STK32B: variants seen among roughly 807,000 people sequenced by gnomAD.
STK32B encodes serine/threonine kinase 32B.
In STK32B, 43 loss-of-function variants were observed where a neutral mutation model predicts 52.6. The observed-to-expected ratio is 0.82, with a 90% CI of 0.64 to 1.05. The LOEUF (loss-of-function observed/expected upper bound fraction) is 1.05. STK32B is among the 50% of genes least tolerant of loss of function. STK32B has a pLI of 0.00. For synonymous variants in STK32B, 238 were observed against 204.3 expected (o/e 1.17, Z -1.41); for missense variants, 621 against 534.6 (o/e 1.16, Z -1.59).
chr4:5,105,028 G>A (rs966125497), intron 1 of STK32B, among the ~76,000 whole-genome samples: 4 of 152,152 alleles, frequency 2.6e-5, no homozygotes, highest in Admixed American at 6.5e-5. Context: ...GCAGTTGCAG[G>A]AATTTACATT....
In STK32B at chr4:5,258,764, TG is replaced by T. The variant is rs1474396248; in HGVS notation, c.261-72455del. On this transcript the variant is annotated intron_variant, in intron 3 of 11. Coordinates refer to ENST00000282908, the MANE Select transcript of STK32B (RefSeq NM_018401.3). The stretch of plus-strand genomic sequence containing the variant: ...TGCCTGGTTACCCCAATTGTCCCTT[TG>T]CCCCTGTTAGTCAATTCCCAGTGCA... Among the ~76,000 whole-genome samples, 3 of 152,206 alleles carry T rather than the reference TG, an allele frequency of 2.0e-5. No homozygotes were observed. In the East Asian group the frequency reaches 5.8e-4, roughly 29 times the overall value.
At chr4:5,099,737 G>C (rs959432336) in intron 1 of STK32B, among the ~76,000 whole-genome samples, 3 of 152,154 alleles carry the variant, frequency 2.0e-5, no homozygotes, top group Non-Finnish European at 4.4e-5. Context: ...GTGCTGTACT[G>C]TAGGTATATG....
chr4:5,480,134 T>C (rs950180786), intron 11 of STK32B, among the ~76,000 whole-genome samples: 5 of 152,340 alleles, frequency 3.3e-5, no homozygotes, highest in African/African-American at 1.2e-4. Context: ...ATTTACAAAA[T>C]TATCAGACCG....
chr4:5,317,820 G>A (rs1427932970), intron 3 of STK32B, among the ~76,000 whole-genome samples: 1 of 151,912 alleles, frequency 6.6e-6, no homozygotes, highest in Non-Finnish European at 1.5e-5. Flanking sequence ...GTGTTCAGTA[G>A]GCATTCATCT....
chr4:5,377,722 G>A (rs934788109), intron 4 of STK32B, among the ~76,000 whole-genome samples: 2 of 152,128 alleles, frequency 1.3e-5, no homozygotes, highest in South Asian at 4.2e-4. Flanking sequence ...GGGATCTGAT[G>A]GTTTTATAAG....
At chr4:5,441,035 A>G (rs1322573294) in intron 6 of STK32B, among the ~76,000 whole-genome samples, 2 of 150,076 alleles carry the variant, frequency 1.3e-5, no homozygotes, top group Admixed American at 6.6e-5. Context: ...TTTTGCATCA[A>G]TGTTCATCAA....
chr4:5,171,772 G>T (rs1343779818), intron 3 of STK32B, among the ~76,000 whole-genome samples: 1 of 148,694 alleles, frequency 6.7e-6, no homozygotes, highest in Non-Finnish European at 1.5e-5. Context: ...TTTGGCTTAG[G>T]ATTGACTTGG....
the STK32B span, among the ~76,000 whole-genome samples, chr4:5,026,947 G>A: frequency 6.6e-6 from 1 of 152,308 alleles, no homozygotes; most frequent in East Asian, 1.9e-4. Context: ...TAAGGTAAGA[G>A]CCTAGCATTG....
At chr4:5,265,300 G>GT (rs1476503229) in intron 3 of STK32B, among the ~76,000 whole-genome samples, 2 of 152,218 alleles carry the variant, frequency 1.3e-5, no homozygotes, top group Non-Finnish European at 2.9e-5. Context: ...GTAGCTGAAG[G>GT]TTGCTCCTTG....
intron 1 of STK32B, among the ~76,000 whole-genome samples, chr4:5,109,396 T>A (rs1312760438): frequency 6.6e-6 from 1 of 152,090 alleles, no homozygotes; most frequent in Admixed American, 6.6e-5. Flanking sequence ...ACAGTGGAGC[T>A]AACAAATGAA....
intron 3 of STK32B, among the ~76,000 whole-genome samples, chr4:5,278,037 A>G (rs1260336746): frequency 6.6e-6 from 1 of 152,220 alleles, no homozygotes; most frequent in Non-Finnish European, 1.5e-5. Flanking sequence ...TTGATCAAGA[A>G]GCCACACTTT....
chr4:5,428,172 C>T (rs994726480), intron 6 of STK32B, among the ~76,000 whole-genome samples: 3 of 151,996 alleles, frequency 2.0e-5, no homozygotes, highest in African/African-American at 7.3e-5. Context: ...GTTTGGGAGG[C>T]CGACGCGGGC....
At chr4:5,159,379 T>G (rs1409532721) in intron 2 of STK32B, among the ~76,000 whole-genome samples, 1 of 151,496 alleles carries the variant, frequency 6.6e-6, no homozygotes, top group Non-Finnish European at 1.5e-5. Context: ...TACTGAATTC[T>G]GATCCTGGCT....
At chr4:5,125,829 G>T (rs1715329573) in intron 1 of STK32B, among the ~76,000 whole-genome samples, 2 of 152,262 alleles carry the variant, frequency 1.3e-5, no homozygotes, top group South Asian at 4.1e-4. Flanking sequence ...TTGTAACTCT[G>T]CCTCCTGTGG....
intron 2 of STK32B, among the ~76,000 whole-genome samples, chr4:5,164,544 CAA>C: frequency 6.6e-6 from 1 of 152,346 alleles, no homozygotes; most frequent in East Asian, 1.9e-4. Context: ...TCTAAAAGAA[CAA>C]AGATTTATTT....
intron 4 of STK32B, among the ~76,000 whole-genome samples, chr4:5,372,720 TGG>T (rs5855850): frequency 3.7e-4 from 47 of 127,178 alleles, no homozygotes; most frequent in East Asian, 7.7e-4. Context: ...AGGAGAAAGT[TGG>T]GGGGGGGGGC....
chr4:5,456,690 C>T, intron 7 of STK32B, 117 bp from the exon 8 acceptor site: 1 of 950,220 alleles, frequency 1.1e-6, no homozygotes, highest in Non-Finnish European at 1.5e-6. Flanking sequence ...AGAGAAGCAC[C>T]CACTGTTACT....
At chr4:5,245,374 TG>T in intron 3 of STK32B, among the ~76,000 whole-genome samples, 1 of 152,198 alleles carries the variant, frequency 6.6e-6, no homozygotes, top group East Asian at 1.9e-4. Context: ...GTTTAAAGTC[TG>T]TTTTATCAGA....
the STK32B span, among the ~76,000 whole-genome samples, chr4:5,034,999 G>A: frequency 1.3e-5 from 2 of 152,150 alleles, no homozygotes; most frequent in East Asian, 3.9e-4. Context: ...TTGTTCTGGA[G>A]TCCCAGAAGT....
Sources: gnomAD v4.1 joint callset for allele counts (sites outside exome capture counted in the v4.1 genomes callset) on GRCh38, gnomAD v4.1.1 for gene constraint, MANE v1.5 for transcripts, NCBI Gene and HGNC (gene_info 2026-07-23, HGNC 2026-07-21) for gene names.